MAP2K2: variants seen among roughly 807,000 people sequenced by gnomAD.
MAP2K2 encodes mitogen-activated protein kinase kinase 2, also known as dual specificity mitogen-activated protein kinase kinase 2.
In MAP2K2, 24 loss-of-function variants were observed where a neutral mutation model predicts 43.7. That is an observed-to-expected ratio of 0.55 (90% confidence interval 0.40 to 0.77). The LOEUF (loss-of-function observed/expected upper bound fraction) is 0.77. Ranked by LOEUF, MAP2K2 falls within the 30% of genes least tolerant of loss-of-function variation. MAP2K2 has a pLI of 0.00. For synonymous variants in MAP2K2, 244 were observed against 239.7 expected, an observed-to-expected ratio of 1.02 and a Z score of -0.17; for missense variants, 470 against 566.8, an observed-to-expected ratio of 0.83 and a Z score of 1.73.
At chr19:4,117,288 C>G in intron 2 of MAP2K2, 131 bp downstream of exon 2, 1 of 891,168 alleles carries the variant, frequency 1.1e-6, no homozygotes, top group Non-Finnish European at 1.7e-6. Context: ...CCTAGAGTCC[C>G]TGGTGGGGAT....
chr19:4,099,433 G>T lies in MAP2K2; in HGVS notation c.706-19C>A. ...GCTCCGGCTGCAGCAGAGCCAGGGA[G>T]GAAAGAGCCCAGAGGGGCGAGGATG... On this transcript the variant is annotated intron_variant, in intron 6 of 10. Coordinates refer to ENST00000262948, the MANE Select transcript of MAP2K2 (RefSeq NM_030662.4). The T allele has an allele frequency of 6.3e-7, 1 of 1,582,744 alleles. No homozygotes were observed. Among genetic ancestry groups the T allele is most frequent in the Non-Finnish European group, 8.6e-7 (1 of 1,163,870 alleles).
At chr19:4,105,640 C>G (rs961878706) in intron 3 of MAP2K2, among the ~76,000 whole-genome samples, 1 of 152,020 alleles carries the variant, frequency 6.6e-6, no homozygotes, top group African/African-American at 2.4e-5. Context: ...TTCCACCATT[C>G]CCCCCTCAAG....
In MAP2K2 at chr19:4,124,103, C is replaced by T. The variant is rs2041340634; in HGVS notation, c.-228G>A. 4.7e-6 allele frequency: 1 copy of T among 214,752 alleles called. No individual in the cohort carries two copies. Among genetic ancestry groups the T allele is most frequent in the African/African-American group, 2.3e-5 (1 of 44,250 alleles). The allele number at this position is 214,752 out of a possible 1,614,324, so 13.3% of individuals were successfully genotyped here. On this transcript the variant is annotated 5_prime_UTR_variant, in exon 1 of 11. Coordinates refer to ENST00000262948, the MANE Select transcript of MAP2K2 (RefSeq NM_030662.4). ...TGCCGAGGCCCGAAGAAGGCTGACG[C>T]CGCAGCCCGAGTCCGAGAGGCAGGG...
In MAP2K2 at chr19:4,123,954, G is replaced by C; in HGVS notation, c.-79C>G. ...CGGGCCGGGAGCGGTCGGCGCCTACGCGAGCCCGGGGCTGCGGCCGCGGCC... is the reference window on the plus strand; with the variant it reads ...CGGGCCGGGAGCGGTCGGCGCCTACCCGAGCCCGGGGCTGCGGCCGCGGCC... On this transcript the variant is annotated 5_prime_UTR_variant, in exon 1 of 11. Transcript: ENST00000262948. 1 of 728,952 alleles carries C rather than the reference G, an allele frequency of 1.4e-6. No homozygotes were observed. Among genetic ancestry groups the C allele is most frequent in the Non-Finnish European group, 1.7e-6 (1 of 573,442 alleles). 45.2% of individuals were successfully genotyped at this position (728,952 alleles called of 1,614,324 possible). A position where few individuals can be genotyped will look rare whatever the true frequency, so the allele number is the denominator to read the frequency against.
At position 4,102,366 on chromosome 19, in the gene MAP2K2, G is replaced by A. The variant is rs2041026092; in HGVS notation, c.528+10C>T. 6.3e-7 allele frequency: 1 copy of A among 1,590,816 alleles called. No homozygotes were observed. Among genetic ancestry groups the A allele is most frequent in the East Asian group, 2.3e-5 (1 of 44,120 alleles). Reference sequence around the variant, plus strand: ...GGTGGGGGCGCGATGTGGGTCTGCGGTGGACTCACCGCGATGCTGACTTTC... The same window carrying A: ...GGTGGGGGCGCGATGTGGGTCTGCGATGGACTCACCGCGATGCTGACTTTC... On this transcript the variant is annotated intron_variant, in intron 4 of 10. Transcript: ENST00000262948.
intron 1 of MAP2K2, among the ~76,000 whole-genome samples, chr19:4,123,424 C>G (rs1487926055): frequency 6.6e-6 from 1 of 151,960 alleles, no homozygotes; most frequent in Non-Finnish European, 1.5e-5. Flanking sequence ...CTCAGAGACT[C>G]CCGTTATCCC....
intron 1 of MAP2K2, 126 bp downstream of exon 1, chr19:4,123,658 C>T: frequency 2.0e-6 from 1 of 504,670 alleles, no homozygotes. Flanking sequence ...ACCACTCACC[C>T]CGTCCTCCCC....
chr19:4,093,587 A>C (rs1187184501), intron 10 of MAP2K2, among the ~76,000 whole-genome samples: 1 of 151,850 alleles, frequency 6.6e-6, no homozygotes, highest in Non-Finnish European at 1.5e-5. Flanking sequence ...GCTACCTGGG[A>C]GGCTGACTGG....
At chr19:4,097,204 C>CT (rs1555696502) in intron 8 of MAP2K2, 75 bp downstream of exon 8, 1 of 542,448 alleles carries the variant, frequency 1.8e-6, no homozygotes, top group Non-Finnish European at 2.8e-6. Flanking sequence ...GAGACTCTGC[C>CT]TAAAAAAAAA....
intron 9 of MAP2K2, 73 bp from the exon 10 acceptor site, chr19:4,094,571 G>A: frequency 6.8e-7 from 1 of 1,459,896 alleles, no homozygotes; most frequent in Admixed American, 2.0e-5. Context: ...GTGGCCCCGG[G>A]GCACCCGCGT....
intron 10 of MAP2K2, 24 bp from the exon 11 acceptor site, chr19:4,090,732 G>A (rs962567190): frequency 6.7e-7 from 1 of 1,502,414 alleles, no homozygotes; most frequent in Non-Finnish European, 9.1e-7. Flanking sequence ...GGAGCCGTGA[G>A]CACCCGGGCC....
At chr19:4,102,647 A>G in intron 3 of MAP2K2, 194 bp from the exon 4 acceptor site, 1 of 935,136 alleles carries the variant, frequency 1.1e-6, no homozygotes, top group Non-Finnish European at 1.6e-6. Flanking sequence ...CCCACCCACA[A>G]GGTGGGGAAG....
intron 9 of MAP2K2, 50 bp downstream of exon 9, chr19:4,095,338 T>C (rs1255095391): frequency 6.6e-7 from 1 of 1,513,678 alleles, no homozygotes; most frequent in African/African-American, 1.4e-5. Flanking sequence ...CCGGAAGGAG[T>C]GGCACATCTG....
chr19:4,098,667 C>A (rs1473456715), intron 7 of MAP2K2, among the ~76,000 whole-genome samples: 2 of 152,190 alleles, frequency 1.3e-5, no homozygotes, highest in Admixed American at 6.5e-5. Flanking sequence ...TTGTCCTCTG[C>A]GAGCCCAGCT....
intron 3 of MAP2K2, among the ~76,000 whole-genome samples, chr19:4,107,366 T>C (rs2041096289): frequency 6.6e-6 from 1 of 151,250 alleles, no homozygotes; most frequent in African/African-American, 2.4e-5. Flanking sequence ...CTACTAAAAA[T>C]ACAAAAAATT....
intron 1 of MAP2K2, among the ~76,000 whole-genome samples, chr19:4,118,303 G>C (rs1261255280): frequency 1.3e-5 from 2 of 151,974 alleles, no homozygotes; most frequent in South Asian, 2.1e-4. Context: ...AGCTGGGATC[G>C]GGTGAACGGA....
chr19:4,092,573 A>G (rs2040864573), intron 10 of MAP2K2, among the ~76,000 whole-genome samples: 1 of 151,892 alleles, frequency 6.6e-6, no homozygotes, highest in African/African-American at 2.4e-5. Flanking sequence ...TGGGCAACAG[A>G]GCAAGACTCC....
At chr19:4,100,429 CAAAAAAAAAAAAAAAAA>C (rs564673420) in intron 6 of MAP2K2, 2 of 53,846 alleles carry the variant, frequency 3.7e-5, no homozygotes, top group Non-Finnish European at 6.2e-5. Flanking sequence ...GACTCTGTCT[CAAAAAAAAAAAAAAAAA>C]AAAAAAAAAG....
At position 4,121,172 on chromosome 19, in the gene MAP2K2, G is replaced by A. The variant is rs996528952; in HGVS notation, c.92+2612C>T. ...CCCCTCCCTCGTCCTGGAGCAGTGCGATTCTGCCAGCACGCCACCCGGACC... is the reference window on the plus strand; with the variant it reads ...CCCCTCCCTCGTCCTGGAGCAGTGCAATTCTGCCAGCACGCCACCCGGACC... On this transcript the variant is annotated intron_variant, in intron 1 of 10. Transcript: ENST00000262948. Among the ~76,000 whole-genome samples, 17 of 150,932 alleles carry A rather than the reference G, an allele frequency of 1.1e-4. 1 individual carries two copies. The highest frequency in any genetic ancestry group is 7.9e-4 in the Admixed American group (12 of 15,140).
Sources: gnomAD v4.1 joint callset for allele counts (sites outside exome capture counted in the v4.1 genomes callset) on GRCh38, gnomAD v4.1.1 for gene constraint, MANE v1.5 for transcripts, NCBI Gene and HGNC (gene_info 2026-07-23, HGNC 2026-07-21) for gene names.